Variants in PTPRR observed in about 807,000 individuals in gnomAD.
PTPRR encodes the protein receptor-type tyrosine-protein phosphatase R.
A neutral mutation model predicts 77.2 loss-of-function variants in PTPRR; 38 were observed. The observed-to-expected ratio is 0.49, with a 90% CI of 0.38 to 0.65. PTPRR has a LOEUF of 0.65. Ranked by LOEUF, PTPRR falls within the 30% of genes least tolerant of loss-of-function variation. The pLI, the probability that PTPRR is intolerant of heterozygous loss-of-function variation, is 0.00. For synonymous variants in PTPRR, 299 were observed against 283.1 expected (o/e 1.06, Z -0.57); for missense variants, 744 against 799.2 (o/e 0.93, Z 0.83).
chr12:70,676,395 T>C (rs1030108227), intron 10 of PTPRR, among the ~76,000 whole-genome samples: 1 of 152,016 alleles, frequency 6.6e-6, no homozygotes, highest in Non-Finnish European at 1.5e-5. Flanking sequence ...AAATTTTTTA[T>C]GCTTTTTGTG....
chr12:70,844,652 T>C (rs1337919319), intron 2 of PTPRR, among the ~76,000 whole-genome samples: 3 of 152,144 alleles, frequency 2.0e-5, no homozygotes, highest in Non-Finnish European at 2.9e-5. Context: ...AGTGTGATGA[T>C]TGTGGTTAAT....
intron 1 of PTPRR, among the ~76,000 whole-genome samples, chr12:70,904,220 AG>A (rs67448101): frequency 0.41 from 61,958 of 151,606 alleles, 14,677 homozygotes; most frequent in Non-Finnish European, 0.54. Context: ...TTCTTACCCC[AG>A]AGAAATAAAA....
chr12:70,847,896 G>T (rs1351226501), intron 2 of PTPRR, among the ~76,000 whole-genome samples: 1 of 152,130 alleles, frequency 6.6e-6, no homozygotes, highest in Non-Finnish European at 1.5e-5. Context: ...CATATAATTT[G>T]TGTTACTTTT....
At chr12:70,712,565 T>C (rs186746918) in intron 6 of PTPRR, among the ~76,000 whole-genome samples, 88 of 151,208 alleles carry the variant, frequency 5.8e-4, no homozygotes, top group Admixed American at 3.9e-3. Context: ...GTTTTTATTT[T>C]TGATACTGTG....
At chr12:70,676,742 T>C (rs1887460810) in intron 10 of PTPRR, among the ~76,000 whole-genome samples, 1 of 152,078 alleles carries the variant, frequency 6.6e-6, no homozygotes, top group Non-Finnish European at 1.5e-5. Context: ...TTCTGGGCTC[T>C]ATGTTCCATA....
chr12:70,874,362 G>C (rs1893013216), intron 2 of PTPRR, among the ~76,000 whole-genome samples: 1 of 152,172 alleles, frequency 6.6e-6, no homozygotes, highest in Non-Finnish European at 1.5e-5. Flanking sequence ...GATATTCAGA[G>C]AGAGTCAGGA....
At chr12:70,715,729 A>C (rs1226089940) in intron 6 of PTPRR, among the ~76,000 whole-genome samples, 1 of 152,208 alleles carries the variant, frequency 6.6e-6, no homozygotes, top group Non-Finnish European at 1.5e-5. Flanking sequence ...TGGTGGTCAG[A>C]GTTTAAGGTT....
chr12:70,877,399 C>G (rs1377401479), intron 2 of PTPRR, among the ~76,000 whole-genome samples: 1 of 152,198 alleles, frequency 6.6e-6, no homozygotes, highest in Admixed American at 6.5e-5. Flanking sequence ...ACCATGATAA[C>G]TGACATAATT....
chr12:70,848,393 T>C (rs1203976419), intron 2 of PTPRR, among the ~76,000 whole-genome samples: 1 of 152,100 alleles, frequency 6.6e-6, no homozygotes, highest in African/African-American at 2.4e-5. Context: ...CAGTAGTGGA[T>C]CTCGGCTCAC....
intron 2 of PTPRR, among the ~76,000 whole-genome samples, chr12:70,811,459 G>T (rs750591485): frequency 1.3e-5 from 2 of 152,096 alleles, no homozygotes; most frequent in African/African-American, 2.4e-5. Flanking sequence ...GCCTGCAAAA[G>T]GTTCAAAAGC....
At position 70,920,460 on chromosome 12, in the gene PTPRR, G is replaced by C. The variant is rs971459434; in HGVS notation, c.-70C>G. The C allele has an allele frequency of 2.0e-6, 3 of 1,467,098 alleles. No individual in the cohort carries two copies. The African/African-American group carries it at 4.2e-5, about 21-fold the overall frequency. The allele number at this position is 1,467,098 out of a possible 1,614,324, so 90.9% of individuals were successfully genotyped here. ...ACTTCAGGTAAAGTGCTATTAGAAA[G>C]AGCCACCGCCAAGGGTCTTCTAGTC... On this transcript the variant is annotated 5_prime_UTR_variant, in exon 1 of 14. Coordinates refer to ENST00000283228, the MANE Select transcript of PTPRR (RefSeq NM_002849.4).
At chr12:70,795,554 T>C (rs990861888) in intron 2 of PTPRR, among the ~76,000 whole-genome samples, 4 of 152,194 alleles carry the variant, frequency 2.6e-5, no homozygotes, top group Non-Finnish European at 5.9e-5. Flanking sequence ...ATGATAAAAA[T>C]ATAGCCACAT....
At chr12:70,837,435 T>C (rs925221344) in intron 2 of PTPRR, among the ~76,000 whole-genome samples, 1 of 152,054 alleles carries the variant, frequency 6.6e-6, no homozygotes, top group Non-Finnish European at 1.5e-5. Flanking sequence ...ACAAACAATT[T>C]CTTCTACCAC....
chr12:70,850,269 G>A (rs371200647), intron 2 of PTPRR, among the ~76,000 whole-genome samples: 5 of 151,952 alleles, frequency 3.3e-5, no homozygotes, highest in African/African-American at 1.2e-4. Flanking sequence ...GGCTGAGGGA[G>A]AATTGCTTGA....
intron 13 of PTPRR, among the ~76,000 whole-genome samples, chr12:70,645,109 C>G (rs1886148509): frequency 1.3e-5 from 2 of 152,184 alleles, no homozygotes; most frequent in South Asian, 2.1e-4. Context: ...GGCTGAGGAC[C>G]CTGGGCAGGG....
chr12:70,673,419 A>C (rs1887320683), intron 10 of PTPRR, among the ~76,000 whole-genome samples: 1 of 152,250 alleles, frequency 6.6e-6, no homozygotes, highest in South Asian at 2.1e-4. Flanking sequence ...CACAGTTATT[A>C]CAATGTATTC....
At chr12:70,764,481 C>T (rs3751288) in intron 3 of PTPRR, among the ~76,000 whole-genome samples, 184 bp downstream of exon 3, 56,311 of 151,726 alleles carry the variant, frequency 0.37, 12,682 homozygotes, top group African/African-American at 0.63. Context: ...CACTGTAATA[C>T]AAAAGGCATC....
intron 2 of PTPRR, among the ~76,000 whole-genome samples, chr12:70,814,631 C>T (rs1208636757): frequency 6.6e-6 from 1 of 152,002 alleles, no homozygotes; most frequent in Non-Finnish European, 1.5e-5. Context: ...TAGAGGGGGC[C>T]GGCCCGGCTT....
intron 2 of PTPRR, among the ~76,000 whole-genome samples, chr12:70,843,205 A>T (rs968160449): frequency 6.6e-6 from 1 of 152,196 alleles, no homozygotes; most frequent in African/African-American, 2.4e-5. Context: ...AATAATGAAT[A>T]GAAGGAATAA....
Sources: gnomAD v4.1 joint callset for allele counts (sites outside exome capture counted in the v4.1 genomes callset) on GRCh38, gnomAD v4.1.1 for gene constraint, MANE v1.5 for transcripts, NCBI Gene and HGNC (gene_info 2026-07-23, HGNC 2026-07-21) for gene names.